The following TENM3 variants were observed in gnomAD, a reference collection of about 807,000 sequenced individuals.
The protein encoded by TENM3 is teneurin-3.
A neutral mutation model predicts 255.1 loss-of-function variants in TENM3; 63 were observed. The observed-to-expected ratio is 0.25, with a 90% confidence interval of 0.20 to 0.30. The LOEUF is 0.30. Ranked by LOEUF, TENM3 falls within the 10% of genes least tolerant of loss-of-function variation. TENM3 has a pLI of 1.00. For synonymous variants in TENM3, 1,306 were observed against 1,322.3 expected (o/e 0.99, Z 0.27); for missense variants, 2,929 against 3,461.1 (o/e 0.85, Z 3.86).
the TENM3 span, among the ~76,000 whole-genome samples, chr4:182,069,004 G>A: frequency 6.6e-6 from 1 of 151,910 alleles, no homozygotes; most frequent in Non-Finnish European, 1.5e-5. Flanking sequence ...AGAAGAATAT[G>A]ATAGAAAAAA....
chr4:182,154,389 T>C (rs1463944211), intron 1 of TENM3, among the ~76,000 whole-genome samples: 1 of 152,192 alleles, frequency 6.6e-6, no homozygotes, highest in African/African-American at 2.4e-5. Context: ...TGTTACACAA[T>C]AGTTTTATCA....
At chr4:181,787,863 T>C in the TENM3 span, among the ~76,000 whole-genome samples, 4 of 152,202 alleles carry the variant, frequency 2.6e-5, no homozygotes, top group Admixed American at 2.6e-4. Context: ...TAGCCAAGCG[T>C]GGTAGTGGGC....
intron 19 of TENM3, among the ~76,000 whole-genome samples, chr4:182,750,733 G>C (rs1762310689): frequency 6.6e-6 from 1 of 152,102 alleles, no homozygotes; most frequent in Admixed American, 6.5e-5. Flanking sequence ...TGGAAAGAGG[G>C]AGAGGAAGAG....
chr4:182,001,441 C>G, the TENM3 span, among the ~76,000 whole-genome samples: 2 of 151,998 alleles, frequency 1.3e-5, no homozygotes, highest in South Asian at 2.1e-4. Flanking sequence ...TTAAATGGAA[C>G]CTGCCTCCAC....
chr4:182,001,097 C>T, the TENM3 span, among the ~76,000 whole-genome samples: 1 of 151,226 alleles, frequency 6.6e-6, no homozygotes, highest in Admixed American at 6.6e-5. Context: ...CACCACCACC[C>T]ACCAAGGTAT....
chr4:181,943,480 A>C, the TENM3 span, among the ~76,000 whole-genome samples: 2 of 152,194 alleles, frequency 1.3e-5, no homozygotes, highest in African/African-American at 4.8e-5. Context: ...CTTAGTAACA[A>C]AAATTTACTA....
chr4:182,753,007 T>G (rs1762482878), intron 20 of TENM3, among the ~76,000 whole-genome samples: 2 of 143,842 alleles, frequency 1.4e-5, no homozygotes, highest in Non-Finnish European at 3.0e-5. Context: ...AGAGCAATGG[T>G]GCGATCTCGG....
chr4:182,537,724 A>G (rs1037253146), intron 3 of TENM3, among the ~76,000 whole-genome samples: 37 of 152,136 alleles, frequency 2.4e-4, no homozygotes, highest in Non-Finnish European at 7.4e-5. Flanking sequence ...TTATTTAGCC[A>G]TGACTAGTTA....
chr4:182,699,781 A>G (rs1450956210), intron 12 of TENM3, among the ~76,000 whole-genome samples: 3 of 152,170 alleles, frequency 2.0e-5, no homozygotes, highest in Non-Finnish European at 2.9e-5. Context: ...TTCCTTTACT[A>G]ATATACTAGA....
At chr4:182,564,987 C>G (rs1743628899) in intron 3 of TENM3, among the ~76,000 whole-genome samples, 3 of 152,152 alleles carry the variant, frequency 2.0e-5, no homozygotes, top group Non-Finnish European at 4.4e-5. Flanking sequence ...GTTGTTGAAA[C>G]AGTTCCCATT....
chr4:182,366,172 G>T (rs1436470795), intron 3 of TENM3, among the ~76,000 whole-genome samples: 1 of 151,610 alleles, frequency 6.6e-6, no homozygotes, highest in East Asian at 1.9e-4. Context: ...TAAATATTTA[G>T]ATCTTAATAT....
chr4:182,798,578 C>T (rs1171876994), intron 27 of TENM3, among the ~76,000 whole-genome samples: 1 of 152,244 alleles, frequency 6.6e-6, no homozygotes, highest in African/African-American at 2.4e-5. Flanking sequence ...TGACTGTCTA[C>T]ACTGATACAG....
intron 1 of TENM3, among the ~76,000 whole-genome samples, chr4:182,308,945 C>T (rs1484502799): frequency 6.6e-6 from 1 of 152,138 alleles, no homozygotes; most frequent in Non-Finnish European, 1.5e-5. Flanking sequence ...GAATGGAATC[C>T]TCCGAGTAAG....
chr4:182,153,012 C>G (rs1349628989), intron 1 of TENM3, among the ~76,000 whole-genome samples: 1 of 151,470 alleles, frequency 6.6e-6, no homozygotes, highest in African/African-American at 2.4e-5. Context: ...TATAAAGAAA[C>G]CTTAATAATT....
Position 182,754,925 on chromosome 4 carries a change from G to C in TENM3, c.4558G>C (p.Glu1520Gln). Residue 1520 changes from glutamate (E) to glutamine (Q), a missense_variant, in exon 22 of 28, where the codon GAA becomes CAA. This residue lies in a region of TENM3 where 1,608 missense variants were observed against 1,884.4 expected (regional missense o/e 0.85). Coordinates refer to ENST00000511685, the MANE Select transcript of TENM3 (RefSeq NM_001080477.4). The surrounding 1 kb of genome is among the most constrained non-coding windows in gnomAD (Gnocchi z 5.1). The part of the protein sequence containing the change: ...FYEVASPTDQ[E>Q]LYIFDINGTH... ...TGAAGTTGCGTCTCCAACTGATCAA[G>C]AACTCTACATCTTTGACATCAATGG... 6.2e-7 allele frequency: 1 copy of C among 1,614,006 alleles called. No individual in the cohort carries two copies. The highest frequency in any genetic ancestry group is 8.5e-7 in the Non-Finnish European group (1 of 1,179,896).
chr4:182,308,320 G>GT (rs1762250627), intron 1 of TENM3, among the ~76,000 whole-genome samples: 2 of 150,120 alleles, frequency 1.3e-5, no homozygotes, highest in South Asian at 2.1e-4. Flanking sequence ...GCACATATTT[G>GT]GTTTTTTTTT....
At chr4:182,444,040 C>A (rs1333406711) in intron 3 of TENM3, among the ~76,000 whole-genome samples, 1 of 152,082 alleles carries the variant, frequency 6.6e-6, no homozygotes, top group South Asian at 2.1e-4. Context: ...TGGATTTTTC[C>A]ATAGGGTAAA....
intron 3 of TENM3, among the ~76,000 whole-genome samples, chr4:182,417,411 C>A (rs1372592903): frequency 2.0e-5 from 3 of 151,998 alleles, no homozygotes; most frequent in African/African-American, 7.3e-5. Flanking sequence ...CATATAATAC[C>A]ATTGTAGCAA....
chr4:181,937,324 G>A, the TENM3 span, among the ~76,000 whole-genome samples: 1 of 152,204 alleles, frequency 6.6e-6, no homozygotes, highest in African/African-American at 2.4e-5. Context: ...TAAGTGCATT[G>A]AGAAACCATT....
Sources: allele counts gnomAD v4.1 joint callset (sites outside exome capture counted in the v4.1 genomes callset), GRCh38; gene constraint gnomAD v4.1.1; regional missense constraint gnomAD v4.1.1; non-coding constraint Gnocchi (gnomAD v3.1); transcripts MANE v1.5; gene names NCBI Gene and HGNC (gene_info 2026-07-23, HGNC 2026-07-21).